AMT: variants seen among roughly 807,000 people sequenced by gnomAD.
The protein encoded by AMT is aminomethyltransferase, also known as aminomethyltransferase, mitochondrial.
AMT carries 24 observed loss-of-function variants against 39.5 expected under a neutral mutation model. That is an observed-to-expected ratio of 0.61 (90% CI 0.44 to 0.86). AMT has a LOEUF of 0.86. AMT is among the 40% of genes least tolerant of loss of function. AMT has a pLI of 0.00. For synonymous variants in AMT, 210 were observed against 212.1 expected (o/e 0.99, Z 0.09); for missense variants, 501 against 537.0 (o/e 0.93, Z 0.66).
chr3:49,419,633 G>A (rs1241376907), intron 5 of AMT, 77 bp downstream of exon 5: 6 of 1,501,132 alleles, frequency 4.0e-6, no homozygotes, highest in Non-Finnish European at 4.6e-6. Context: ...CATTCTTCTT[G>A]GTATGGCCTC....
At chr3:49,420,762 A>G (rs1376039751) in intron 3 of AMT, 3 of 246,306 alleles carry the variant, frequency 1.2e-5, no homozygotes, top group East Asian at 9.5e-5. Flanking sequence ...AATGCCCCCA[A>G]AAAACTTCCT....
intron 2 of AMT, 34 bp from the exon 3 acceptor site, chr3:49,421,606 A>G: frequency 1.3e-6 from 2 of 1,582,058 alleles, no homozygotes; most frequent in East Asian, 2.2e-5. Context: ...AGGCCATTGC[A>G]ACAGCTACAA....
Position 49,422,262 on chromosome 3 carries a change from G to A in AMT, c.100C>T (p.Arg34Cys), listed in dbSNP as rs143389339. The A allele has an allele frequency of 4.4e-5, 71 of 1,613,882 alleles. No individual in the cohort carries two copies. The highest frequency in any genetic ancestry group is 5.3e-5 in the Non-Finnish European group (63 of 1,179,994). The change falls in exon 2 of 9, where the codon CGC (arginine) becomes TGC (cysteine). Residue 34 changes from arginine to cysteine, a missense_variant. Arg to Cys is a radical substitution (Grantham distance 180, BLOSUM62 -3). Coordinates refer to ENST00000273588, the MANE Select transcript of AMT (RefSeq NM_000481.4). ...TGGAAGTCATAGAGCGGTGTCCTGCGGAGCACCTCCTGTGGGCGGCTGGGC... is the reference window on the plus strand; with the variant it reads ...TGGAAGTCATAGAGCGGTGTCCTGCAGAGCACCTCCTGTGGGCGGCTGGGC... Reference protein sequence around the residue: ...RPLSCAQEVLRRTPLYDFHLA... With the variant: ...RPLSCAQEVLCRTPLYDFHLA...
At chr3:49,420,850 AG>A (rs1285849425) in intron 3 of AMT, 1 of 215,900 alleles carries the variant, frequency 4.6e-6, no homozygotes, top group Non-Finnish European at 9.5e-6. Flanking sequence ...GTTAAAATGA[AG>A]GTTCTGATTC....
intron 7 of AMT, 58 bp from the exon 8 acceptor site, chr3:49,418,031 G>T: frequency 6.4e-7 from 1 of 1,551,798 alleles, no homozygotes; most frequent in Non-Finnish European, 8.7e-7. Flanking sequence ...GCCACAGGAG[G>T]TCCTTATGAG....
At position 49,416,912 on chromosome 3, in the gene AMT, C is replaced by T. The variant is rs2049007650; in HGVS notation, c.*628G>A. On this transcript the variant is annotated 3_prime_UTR_variant, in exon 9 of 9. Transcript: ENST00000273588. ...ACCCTGCCCTACAGCAGCCCTGGAA[C>T]TCAGAATAGGTGGTGAGTCTGCCAT... The T allele has an allele frequency of 2.2e-6, 1 of 458,796 alleles. No individual in the cohort carries two copies. Among genetic ancestry groups the T allele is most frequent in the African/African-American group, 2.0e-5 (1 of 50,152 alleles). 28.4% of individuals were successfully genotyped at this position (458,796 alleles called of 1,614,324 possible). A position where few individuals can be genotyped will look rare whatever the true frequency, so the allele number is the denominator to read the frequency against.
At chr3:49,418,581 A>C in intron 7 of AMT, 1 of 224,528 alleles carries the variant, frequency 4.5e-6, no homozygotes, top group Non-Finnish European at 8.6e-6. Context: ...GGCTCACTGC[A>C]AACTCCGCCG....
At chr3:49,420,532 C>T (rs917288004) in intron 3 of AMT, 190 bp from the exon 4 acceptor site, 6 of 756,390 alleles carry the variant, frequency 7.9e-6, no homozygotes, top group Non-Finnish European at 1.3e-5. Flanking sequence ...AGTAAGTTTT[C>T]ATCCCCTCCC....
rs1559527521 is a variant in AMT at position 49,417,675 on chromosome 3, A to G, written c.1077T>C (p.Asn359=). 6.2e-7 allele frequency: 1 copy of G among 1,614,068 alleles called. No homozygotes were observed. Among genetic ancestry groups the G allele is most frequent in the Non-Finnish European group, 8.5e-7 (1 of 1,180,028 alleles). The stretch of plus-strand genomic sequence containing the variant: ...CGCAGGGCACATAACCCATCGCCAC[A>G]TTCTTCTTCAGAGAGGGGGAGGGGC... ...SGCPSPSLKK[N]VAMGYVPCEY... Residue 359 remains asparagine (N), a synonymous_variant, in exon 9 of 9, where the codon AAT becomes AAC. Transcript: ENST00000273588.
rs749614448 is a variant in AMT at position 49,416,876 on chromosome 3, G to C, written c.*664C>G. 8.1e-5 allele frequency: 37 copies of C among 457,238 alleles called. No individual in the cohort carries two copies. The highest frequency in any genetic ancestry group is 1.5e-4 in the Non-Finnish European group (35 of 229,142). The allele number at this position is 457,238 out of a possible 1,614,324, so 28.3% of individuals were successfully genotyped here. The stretch of plus-strand genomic sequence containing the variant: ...ATCAGCCCAGGGTAAGGCAAGTCTG[G>C]GAGGAAGCCCACCCTGCCCTACAGC... On this transcript the variant is annotated 3_prime_UTR_variant, in exon 9 of 9. Coordinates refer to ENST00000273588, the MANE Select transcript of AMT (RefSeq NM_000481.4).
intron 4 of AMT, 176 bp from the exon 5 acceptor site, chr3:49,419,964 G>A: frequency 1.2e-6 from 1 of 801,258 alleles, no homozygotes; most frequent in Non-Finnish European, 2.1e-6. Context: ...AAGTGATAGA[G>A]ATGACCCAAG....
rs1038872602 is a variant in AMT at position 49,421,839 on chromosome 3, T to G, written c.258+265A>C. On this transcript the variant is annotated intron_variant, in intron 2 of 8. Coordinates refer to ENST00000273588, the MANE Select transcript of AMT (RefSeq NM_000481.4). ...CTTTTCAAACCAACATCCAGCCCAA[T>G]ACATGAGAGTGGGTGTCAGCCCTGG... 1.0e-5 allele frequency: 7 copies of G among 688,602 alleles called. No individual in the cohort carries two copies. The African/African-American group carries it at 1.1e-4, about 10-fold the overall frequency. 42.7% of individuals were successfully genotyped at this position (688,602 alleles called of 1,614,324 possible). A position where few individuals can be genotyped will look rare whatever the true frequency, so the allele number is the denominator to read the frequency against.
In AMT at chr3:49,417,500, G is replaced by A. The variant is rs1434941201; in HGVS notation, c.*40C>T. 16 of 1,614,022 alleles carry A rather than the reference G, an allele frequency of 9.9e-6. No homozygotes were observed. The highest frequency in any genetic ancestry group is 1.4e-5 in the Non-Finnish European group (16 of 1,180,042). ...GCTTCTTGACTAACCCCTTGTAGGGGCAAAACTCCTGGAAGGGACAGCCCC... is the reference window on the plus strand; with the variant it reads ...GCTTCTTGACTAACCCCTTGTAGGGACAAAACTCCTGGAAGGGACAGCCCC... On this transcript the variant is annotated 3_prime_UTR_variant, in exon 9 of 9. Coordinates refer to ENST00000273588, the MANE Select transcript of AMT (RefSeq NM_000481.4).
rs116192290 is a variant in AMT, at chr3:49,419,325, C to T, written c.631G>A (p.Glu211Lys). Residue 211 changes from glutamate (E) to lysine (K), a missense_variant, in exon 6 of 9, where the codon GAG (glutamate) becomes AAG (lysine). Coordinates refer to ENST00000273588, the MANE Select transcript of AMT (RefSeq NM_000481.4). ...KLPFMTSAVM[E>K]VFGVSGCRVT... ...CGGCAGCCAGACACGCCAAACACCT[C>T]CATCACAGCACTGGTCATGAAGGGC... The T allele has an allele frequency of 8.8e-3, 14,180 of 1,614,230 alleles. 114 individuals are homozygous for T. Among genetic ancestry groups the T allele is most frequent in the Middle Eastern group, 0.027 (164 of 6,062 alleles).
intron 3 of AMT, chr3:49,420,976 GC>G (rs1478622423): frequency 4.5e-6 from 1 of 220,880 alleles, no homozygotes; most frequent in East Asian, 1.1e-4. Context: ...TCACTCTGTT[GC>G]CCAGGCCAGA....
chr3:49,418,048 A>G (rs2049030089), intron 7 of AMT, 75 bp from the exon 8 acceptor site: 1 of 1,499,918 alleles, frequency 6.7e-7, no homozygotes, highest in Non-Finnish European at 9.0e-7. Flanking sequence ...TGAGGTCCTC[A>G]AGTAACACAC....
At chr3:49,419,541 G>A in intron 5 of AMT, 136 bp from the exon 6 acceptor site, 1 of 1,479,206 alleles carries the variant, frequency 6.8e-7, no homozygotes, top group Admixed American at 1.8e-5. Context: ...CTTGTCCCTA[G>A]CCCATGGAGC....
At chr3:49,418,490 G>GTTTTTTT in intron 7 of AMT, 1 of 89,388 alleles carries the variant, frequency 1.1e-5, no homozygotes, top group South Asian at 3.0e-4. Context: ...AGCATCTTCA[G>GTTTTTTT]TTTCTTTTTT....
intron 3 of AMT, 114 bp downstream of exon 3, chr3:49,421,378 C>G: frequency 1.2e-6 from 1 of 812,744 alleles, no homozygotes; most frequent in Non-Finnish European, 2.2e-6. Flanking sequence ...AGACTGCAAG[C>G]CCTGAGAAGC....
Sources: allele counts gnomAD v4.1 joint callset, GRCh38; gene constraint gnomAD v4.1.1; transcripts MANE v1.5; gene names NCBI Gene and HGNC (gene_info 2026-07-23, HGNC 2026-07-21).